SH3PXD2A: variants seen among roughly 807,000 people sequenced by gnomAD.
The protein encoded by SH3PXD2A is SH3 and PX domain-containing protein 2A.
In SH3PXD2A, 32 loss-of-function variants were observed where a neutral mutation model predicts 115.2. The observed-to-expected ratio is 0.28, with a 90% CI of 0.21 to 0.37. The LOEUF (loss-of-function observed/expected upper bound fraction) is 0.37, where lower values mean the gene tolerates loss of function less well. SH3PXD2A is among the 10% of genes least tolerant of loss of function. The pLI, the probability that SH3PXD2A is intolerant of heterozygous loss-of-function variation, is 1.00. For synonymous variants in SH3PXD2A, 610 were observed against 629.1 expected (o/e 0.97, Z 0.45); for missense variants, 1,328 against 1,498.7 (o/e 0.89, Z 1.88).
intron 2 of SH3PXD2A, among the ~76,000 whole-genome samples, chr10:103,786,252 C>T (rs192058759): frequency 1.7e-4 from 26 of 152,306 alleles, no homozygotes; most frequent in East Asian, 3.9e-4. Context: ...CAGAGAGGAA[C>T]GGCTTAGCGC....
chr10:103,768,552 A>G (rs767181050), intron 2 of SH3PXD2A, among the ~76,000 whole-genome samples: 2 of 152,178 alleles, frequency 1.3e-5, no homozygotes, highest in Non-Finnish European at 2.9e-5. Flanking sequence ...GTGAAGACTC[A>G]GGGCTTGTCG....
chr10:103,640,251 G>C (rs2036934154), intron 8 of SH3PXD2A, among the ~76,000 whole-genome samples: 1 of 152,052 alleles, frequency 6.6e-6, no homozygotes, highest in South Asian at 2.1e-4. Flanking sequence ...GGAGGTGGAG[G>C]TTGCAGTGAG....
chr10:103,634,396 C>A (rs2036834453), intron 8 of SH3PXD2A, among the ~76,000 whole-genome samples: 1 of 152,220 alleles, frequency 6.6e-6, no homozygotes, highest in African/African-American at 2.4e-5. Context: ...GTGTTAGGCA[C>A]TTGCTCCACA....
At chr10:103,686,390 T>C (rs2037678409) in intron 6 of SH3PXD2A, among the ~76,000 whole-genome samples, 1 of 152,210 alleles carries the variant, frequency 6.6e-6, no homozygotes, top group South Asian at 2.1e-4. Flanking sequence ...CTAGGTGCCC[T>C]GGCGAAATGC....
chr10:103,650,404 G>C (rs574109324), intron 8 of SH3PXD2A, among the ~76,000 whole-genome samples: 10 of 152,312 alleles, frequency 6.6e-5, no homozygotes, highest in African/African-American at 2.4e-4. Flanking sequence ...CAGCGCAATG[G>C]GGAAGAACAG....
At chr10:103,657,043 T>C (rs1237319528) in intron 8 of SH3PXD2A, among the ~76,000 whole-genome samples, 1 of 151,706 alleles carries the variant, frequency 6.6e-6, no homozygotes, top group Non-Finnish European at 1.5e-5. Context: ...GACTAAAGCA[T>C]TGACCCTAGA....
At chr10:103,808,583 T>C (rs962458928) in intron 1 of SH3PXD2A, among the ~76,000 whole-genome samples, 2 of 152,104 alleles carry the variant, frequency 1.3e-5, no homozygotes, top group African/African-American at 4.8e-5. Flanking sequence ...TGCACCCAGA[T>C]AAAAATTTCC....
rs377549097 is a variant in SH3PXD2A at position 103,853,401 on chromosome 10, T to C, written c.72+1794A>G. On this transcript the variant is annotated intron_variant, in intron 1 of 14. Coordinates refer to ENST00000369774, the MANE Select transcript of SH3PXD2A (RefSeq NM_001394015.1). ...CAGGAACTGGGCTAAGTGCTTTACATAGATGATCTCATTTAATTCTCCCAA... is the reference window on the plus strand; with the variant it reads ...CAGGAACTGGGCTAAGTGCTTTACACAGATGATCTCATTTAATTCTCCCAA... 2.5e-4 allele frequency among the ~76,000 whole-genome samples: 38 copies of C among 152,378 alleles called. 1 individual carries two copies. Among genetic ancestry groups the C allele is most frequent in the African/African-American group, 8.2e-4 (34 of 41,592 alleles).
intron 3 of SH3PXD2A, chr10:103,736,887 C>G (rs2038387105): frequency 1.3e-6 from 1 of 763,322 alleles, no homozygotes; most frequent in African/African-American, 1.8e-5. Context: ...GCCACACCCC[C>G]TAGCAACAAA....
intron 9 of SH3PXD2A, among the ~76,000 whole-genome samples, chr10:103,623,148 G>A (rs1259901261): frequency 6.6e-6 from 1 of 152,182 alleles, no homozygotes; most frequent in African/African-American, 2.4e-5. Flanking sequence ...CTAGCACAGG[G>A]CCGGGCACAC....
chr10:103,698,795 C>T lies in SH3PXD2A; in HGVS notation c.399-5739G>A, dbSNP rs1045038471. Among the ~76,000 whole-genome samples the T allele has an allele frequency of 4.6e-5, 7 of 152,110 alleles. No homozygotes were observed. The East Asian group carries it at 1.2e-3, about 25-fold the overall frequency. ...ACGCTGAGAATTACAGGAGGGGTTA[C>T]ACTCAGTGCAGAGAAAAGAGAGGTC... On this transcript the variant is annotated intron_variant, in intron 5 of 14. Transcript: ENST00000369774.
chr10:103,796,401 AG>A (rs2039089249), intron 2 of SH3PXD2A, among the ~76,000 whole-genome samples: 8 of 139,754 alleles, frequency 5.7e-5, no homozygotes, highest in South Asian at 2.3e-4. Flanking sequence ...AAAAAAAAAG[AG>A]AGAGAGAGAG....
chr10:103,750,222 T>C (rs963034006), intron 3 of SH3PXD2A, among the ~76,000 whole-genome samples: 1 of 152,118 alleles, frequency 6.6e-6, no homozygotes, highest in Admixed American at 6.5e-5. Flanking sequence ...CAGCTAATTT[T>C]AAAAAATTTC....
chr10:103,651,752 A>G (rs989623032), intron 8 of SH3PXD2A, among the ~76,000 whole-genome samples: 6 of 152,232 alleles, frequency 3.9e-5, no homozygotes, highest in African/African-American at 1.4e-4. Context: ...TCACCTTTAA[A>G]AAAGTCCAAA....
intron 6 of SH3PXD2A, among the ~76,000 whole-genome samples, chr10:103,689,385 C>T (rs1053167698): frequency 1.6e-4 from 25 of 152,134 alleles, no homozygotes; most frequent in Admixed American, 1.6e-3. Flanking sequence ...GACTTCTCAG[C>T]CAGGCACAGT....
chr10:103,782,720 G>A (rs1027261599), intron 2 of SH3PXD2A, among the ~76,000 whole-genome samples: 1 of 151,618 alleles, frequency 6.6e-6, no homozygotes, highest in Admixed American at 6.6e-5. Flanking sequence ...ACAATGGGCT[G>A]GGCATGGTGG....
intron 3 of SH3PXD2A, chr10:103,749,771 C>T (rs1169879336): frequency 6.6e-6 from 1 of 152,234 alleles, no homozygotes; most frequent in Non-Finnish European, 1.5e-5. Flanking sequence ...CCTTCCTCAT[C>T]TCTTTCCCAG....
In SH3PXD2A at chr10:103,602,323, C is replaced by T. The variant is rs761783688; in HGVS notation, c.2895G>A (p.Ala965=). 2.6e-5 allele frequency: 42 copies of T among 1,613,656 alleles called. No homozygotes were observed. Among genetic ancestry groups the T allele is most frequent in the South Asian group, 1.8e-4 (16 of 90,970 alleles). ...GGFGKTSGTP[A]VKMRNGVRQV... is the part of the protein sequence containing the mutation. Reference sequence around the variant, plus strand: ...GCCGCACTCCGTTCCTCATCTTCACCGCTGGAGTGCCTGAGGTCTTGCCGA... The same window carrying T: ...GCCGCACTCCGTTCCTCATCTTCACTGCTGGAGTGCCTGAGGTCTTGCCGA... The change falls in exon 15 of 15, where the codon GCG becomes GCA. Residue 965 remains alanine, a synonymous_variant. Transcript: ENST00000369774.
intron 13 of SH3PXD2A, among the ~76,000 whole-genome samples, chr10:103,608,150 T>TTACA (rs2036356171): frequency 3.1e-5 from 1 of 32,668 alleles, no homozygotes; most frequent in African/African-American, 2.4e-4. Flanking sequence ...ATGATCAATT[T>TTACA]AAAAAAAAAA....
Sources: gnomAD v4.1 joint callset for allele counts (sites outside exome capture counted in the v4.1 genomes callset) on GRCh38, gnomAD v4.1.1 for gene constraint, MANE v1.5 for transcripts, NCBI Gene and HGNC (gene_info 2026-07-23, HGNC 2026-07-21) for gene names.